ANK3: variants seen among roughly 807,000 people sequenced by gnomAD.
The protein encoded by ANK3 is ankyrin 3, also known as ankyrin-3.
A neutral mutation model predicts 370.9 loss-of-function variants in ANK3; 57 were observed. That is an observed-to-expected ratio of 0.15 (90% CI 0.12 to 0.19). The LOEUF (loss-of-function observed/expected upper bound fraction) is 0.19. Ranked by LOEUF, ANK3 falls within the 10% of genes least tolerant of loss-of-function variation. The pLI is 1.00. For missense variants in ANK3, 4,439 were observed against 5,302.1 expected (o/e 0.84, Z 5.06); for synonymous variants, 1,929 against 1,946.3 (o/e 0.99, Z 0.23).
At chr10:60,344,662 G>T (rs982513739) in intron 1 of ANK3, among the ~76,000 whole-genome samples, 8 of 147,640 alleles carry the variant, frequency 5.4e-5, no homozygotes, top group African/African-American at 2.0e-4. Flanking sequence ...CTTAAAAAAT[G>T]TTAGATCAAA....
At chr10:60,597,250 A>G (rs1197688257) in intron 2 of ANK3, among the ~76,000 whole-genome samples, 1 of 152,096 alleles carries the variant, frequency 6.6e-6, no homozygotes, top group African/African-American at 2.4e-5. Flanking sequence ...CCTACCACAC[A>G]TGTTCTTTCT....
chr10:60,122,511 T>C (rs966664285), intron 25 of ANK3, among the ~76,000 whole-genome samples: 1 of 152,238 alleles, frequency 6.6e-6, no homozygotes, highest in Non-Finnish European at 1.5e-5. Context: ...TTCCTTATCT[T>C]TACTTATTGA....
At chr10:60,641,726 G>T (rs1340326292) in intron 1 of ANK3, among the ~76,000 whole-genome samples, 11 of 152,120 alleles carry the variant, frequency 7.2e-5, no homozygotes, top group Non-Finnish European at 1.0e-4. Flanking sequence ...CTTGGGCAAG[G>T]ACTTCATGTC....
intron 2 of ANK3, among the ~76,000 whole-genome samples, chr10:60,464,023 G>T (rs2064953860): frequency 6.6e-6 from 1 of 152,050 alleles, no homozygotes; most frequent in Non-Finnish European, 1.5e-5. Flanking sequence ...GATTAGCATT[G>T]TTTCACACAG....
intron 2 of ANK3, among the ~76,000 whole-genome samples, chr10:60,510,853 A>G (rs1471873188): frequency 6.6e-6 from 1 of 152,076 alleles, no homozygotes; most frequent in African/African-American, 2.4e-5. Flanking sequence ...AAATAAAATA[A>G]GAAATGTAGC....
upstream of ANK3, among the ~76,000 whole-genome samples, chr10:60,391,894 C>T (rs2063119472): frequency 6.6e-6 from 1 of 152,022 alleles, no homozygotes. Flanking sequence ...TTTTTTGTTG[C>T]CTTGGATTTT....
chr10:60,112,859 T>C (rs1199363117), intron 26 of ANK3, among the ~76,000 whole-genome samples: 1 of 152,216 alleles, frequency 6.6e-6, no homozygotes, highest in Non-Finnish European at 1.5e-5. Flanking sequence ...TTAATTGTTG[T>C]TAATTTATTT....
At chr10:60,513,262 T>C (rs2076134150) in intron 2 of ANK3, among the ~76,000 whole-genome samples, 1 of 152,114 alleles carries the variant, frequency 6.6e-6, no homozygotes, top group Non-Finnish European at 1.5e-5. Context: ...TGAGTAGCTA[T>C]GGTGGAAACA....
At chr10:60,133,883 C>T (rs929239630) in intron 25 of ANK3, among the ~76,000 whole-genome samples, 10 of 152,128 alleles carry the variant, frequency 6.6e-5, no homozygotes, top group African/African-American at 2.2e-4. Context: ...CATGCCACTG[C>T]ACTCCAGCCT....
At chr10:60,212,445 T>C (rs1422844749) in intron 9 of ANK3, among the ~76,000 whole-genome samples, 1 of 152,004 alleles carries the variant, frequency 6.6e-6, no homozygotes, top group African/African-American at 2.4e-5. Flanking sequence ...AAAATAGATA[T>C]GGGGTATGTA....
chr10:60,060,913 A>G (rs2080316933), intron 40 of ANK3, among the ~76,000 whole-genome samples: 2 of 152,210 alleles, frequency 1.3e-5, no homozygotes, highest in Admixed American at 1.3e-4. Flanking sequence ...GGAGGGGGGA[A>G]CGAATCCCTT....
chr10:60,172,206 G>A, intron 21 of ANK3, 102 bp downstream of exon 21: 2 of 834,256 alleles, frequency 2.4e-6, no homozygotes, highest in Middle Eastern at 2.3e-4. Context: ...AAAACATGGT[G>A]CTTAGTTTAT....
chr10:60,349,004 C>A (rs1311399343), intron 1 of ANK3, among the ~76,000 whole-genome samples: 1 of 152,160 alleles, frequency 6.6e-6, no homozygotes, highest in Non-Finnish European at 1.5e-5. Context: ...ATTTCAGCCT[C>A]CCCAGCATGA....
intron 1 of ANK3, among the ~76,000 whole-genome samples, chr10:60,284,508 A>G (rs1024534658): frequency 6.6e-6 from 1 of 152,156 alleles, no homozygotes; most frequent in African/African-American, 2.4e-5. Flanking sequence ...TAGGCTGTTA[A>G]TCACCATTCT....
intron 2 of ANK3, among the ~76,000 whole-genome samples, chr10:60,532,959 C>T (rs1013860628): frequency 2.0e-5 from 3 of 151,590 alleles, no homozygotes; most frequent in East Asian, 1.9e-4. Flanking sequence ...AAAGCCTGCT[C>T]GGGGCTGCAA....
chr10:60,335,038 C>T (rs1308383736), intron 1 of ANK3, among the ~76,000 whole-genome samples: 1 of 152,026 alleles, frequency 6.6e-6, no homozygotes, highest in East Asian at 1.9e-4. Flanking sequence ...GACACTGGGG[C>T]TAGGTCCTCT....
At chr10:60,331,130 T>TA (rs2051164105) in intron 1 of ANK3, among the ~76,000 whole-genome samples, 1 of 137,286 alleles carries the variant, frequency 7.3e-6, no homozygotes, top group Non-Finnish European at 1.6e-5. Context: ...GTCGGGGGCA[T>TA]GGGGAGGGGG....
intron 1 of ANK3, among the ~76,000 whole-genome samples, chr10:60,303,239 A>G (rs1189801412): frequency 3.9e-5 from 6 of 152,234 alleles, no homozygotes; most frequent in African/African-American, 9.6e-5. Context: ...GCTTCTTCAT[A>G]GTAAAGAAAA....
At chr10:60,174,460 T>C (rs1180494891) in intron 18 of ANK3, among the ~76,000 whole-genome samples, 1 of 152,218 alleles carries the variant, frequency 6.6e-6, no homozygotes, top group East Asian at 1.9e-4. Context: ...ACTCAGATAC[T>C]GCACCCATGA....
Sources: allele counts gnomAD v4.1 joint callset (sites outside exome capture counted in the v4.1 genomes callset), GRCh38; gene constraint gnomAD v4.1.1; transcripts MANE v1.5; gene names NCBI Gene and HGNC (gene_info 2026-07-23, HGNC 2026-07-21).